The following CCDC171 variants were observed in gnomAD, a reference collection of about 807,000 sequenced individuals.
CCDC171 encodes the protein coiled-coil domain containing 171.
A neutral mutation model predicts 168.2 loss-of-function variants in CCDC171; 177 were observed. That is an observed-to-expected ratio of 1.05 (90% CI 0.93 to 1.19). The LOEUF is 1.19. Ranked by LOEUF, CCDC171 falls within the 50% of genes most tolerant of loss-of-function variation. The pLI, the probability that CCDC171 is intolerant of heterozygous loss-of-function variation, is 0.00. For missense variants in CCDC171, 1,991 were observed against 1,539.0 expected, an observed-to-expected ratio of 1.29 and a Z score of -4.91; for synonymous variants, 687 against 540.8, an observed-to-expected ratio of 1.27 and a Z score of -3.75.
At chr9:15,924,794 CA>C (rs1825716878) in intron 25 of CCDC171, among the ~76,000 whole-genome samples, 1 of 151,484 alleles carries the variant, frequency 6.6e-6, no homozygotes, top group Admixed American at 6.6e-5. Flanking sequence ...GACTATTTTT[CA>C]AAAGTCACCA....
the CCDC171 span, among the ~76,000 whole-genome samples, chr9:16,083,280 C>T: frequency 2.0e-5 from 3 of 152,126 alleles, no homozygotes; most frequent in Admixed American, 2.0e-4. Context: ...GTTATCCCTG[C>T]CTTATAGTTG....
intron 1 of CCDC171, among the ~76,000 whole-genome samples, chr9:16,053,795 C>T (rs1014307): frequency 0.42 from 64,043 of 152,112 alleles, 15,018 homozygotes; most frequent in East Asian, 0.78. Flanking sequence ...ACAGGCTTTG[C>T]AGAGTGATGG....
chr9:15,670,558 G>A (rs1009056425), intron 9 of CCDC171, among the ~76,000 whole-genome samples: 1 of 151,520 alleles, frequency 6.6e-6, no homozygotes, highest in Admixed American at 6.6e-5. Context: ...ATTTTTTTCA[G>A]TTTCTACCTT....
chr9:15,962,359 G>C (rs1830427623), intron 25 of CCDC171, among the ~76,000 whole-genome samples: 1 of 152,084 alleles, frequency 6.6e-6, no homozygotes, highest in African/African-American at 2.4e-5. Flanking sequence ...TTGAATATGA[G>C]AGTATTTCTA....
At chr9:15,699,540 G>A (rs942929937) in intron 11 of CCDC171, among the ~76,000 whole-genome samples, 4 of 152,098 alleles carry the variant, frequency 2.6e-5, no homozygotes, top group African/African-American at 4.8e-5. Flanking sequence ...TGATTGGTGC[G>A]TTTACTATCC....
rs1161286304 is a variant in CCDC171, at chr9:15,602,647, C to CTTTTTTTTTTTTTTTTT, written c.675+8485_675+8501dup. Among the ~76,000 whole-genome samples, 24 of 30,456 alleles carry CTTTTTTTTTTTTTTTTT rather than the reference C, an allele frequency of 7.9e-4. 3 individuals are homozygous for CTTTTTTTTTTTTTTTTT. Among genetic ancestry groups the CTTTTTTTTTTTTTTTTT allele is most frequent in the South Asian group, 1.5e-3 (1 of 680 alleles). 20.0% of individuals were successfully genotyped at this position (30,456 alleles called of 152,430 possible). ...TTTCTCATTTCTTTTTTTTTTTTTT[C>CTTTTTTTTTTTTTTTTT]TTTTTTTTTTTTTTTTTTTTTTTTT... is the stretch of plus-strand genomic sequence containing the variant. On this transcript the variant is annotated intron_variant, in intron 6 of 25. Transcript: ENST00000380701.
intron 7 of CCDC171, among the ~76,000 whole-genome samples, chr9:15,638,163 C>A (rs1000219319): frequency 7.0e-4 from 107 of 152,192 alleles, no homozygotes; most frequent in African/African-American, 2.5e-3. Flanking sequence ...TCTAGATAGT[C>A]TTTATTTTTC....
chr9:16,079,753 C>A, the CCDC171 span, among the ~76,000 whole-genome samples: 1 of 152,164 alleles, frequency 6.6e-6, no homozygotes, highest in Non-Finnish European at 1.5e-5. Context: ...CAACCTGATA[C>A]GCATGGAATC....
intron 6 of CCDC171, among the ~76,000 whole-genome samples, chr9:15,611,050 C>T (rs1163321893): frequency 6.6e-6 from 1 of 152,066 alleles, no homozygotes; most frequent in African/African-American, 2.4e-5. Flanking sequence ...AGCACCATTC[C>T]TCTTGGTACT....
At chr9:15,745,367 C>G (rs573621319) in intron 17 of CCDC171, 148 bp from the exon 18 acceptor site, 2 of 443,690 alleles carry the variant, frequency 4.5e-6, no homozygotes, top group Non-Finnish European at 7.8e-6. Context: ...TCAAGCTAAT[C>G]TAACATTTAA....
chr9:15,704,794 G>A (rs771431611), intron 11 of CCDC171, among the ~76,000 whole-genome samples: 7 of 151,980 alleles, frequency 4.6e-5, no homozygotes, highest in Non-Finnish European at 7.4e-5. Flanking sequence ...GTTATTTACC[G>A]AGAGGATTTA....
intron 18 of CCDC171, among the ~76,000 whole-genome samples, chr9:15,762,082 G>A (rs1367355433): frequency 1.3e-5 from 2 of 150,578 alleles, no homozygotes; most frequent in African/African-American, 2.4e-5. Flanking sequence ...AATAATTTTA[G>A]GAAGCATAGA....
chr9:15,638,176 C>T (rs1007945264), intron 7 of CCDC171, among the ~76,000 whole-genome samples: 4 of 152,040 alleles, frequency 2.6e-5, no homozygotes, highest in African/African-American at 9.7e-5. Flanking sequence ...TATTTTTCTT[C>T]TATTTGTAAG....
intron 10 of CCDC171, among the ~76,000 whole-genome samples, chr9:15,687,974 C>G (rs957047461): frequency 1.3e-5 from 2 of 151,864 alleles, no homozygotes; most frequent in Admixed American, 1.3e-4. Context: ...CAAAAATTAG[C>G]TGGGCAAGGT....
chr9:15,922,352 T>A (rs1243280018), intron 25 of CCDC171: 1 of 182,538 alleles, frequency 5.5e-6, no homozygotes, highest in Non-Finnish European at 1.2e-5. Flanking sequence ...ATGCATTTAC[T>A]AACTTGAACT....
chr9:15,583,986 C>A (rs943821266), intron 4 of CCDC171, among the ~76,000 whole-genome samples: 1 of 152,164 alleles, frequency 6.6e-6, no homozygotes, highest in African/African-American at 2.4e-5. Context: ...TCTGCCTCAG[C>A]CTCCCGAGTG....
At chr9:15,695,140 T>G (rs551279319) in intron 10 of CCDC171, 95 bp from the exon 11 acceptor site, 3 of 753,036 alleles carry the variant, frequency 4.0e-6, no homozygotes, top group Non-Finnish European at 6.9e-6. Flanking sequence ...ATGGAATCAT[T>G]ATCTTGTTTA....
intron 18 of CCDC171, among the ~76,000 whole-genome samples, chr9:15,763,001 C>T (rs1272482523): frequency 6.6e-6 from 1 of 152,232 alleles, no homozygotes; most frequent in Non-Finnish European, 1.5e-5. Context: ...ACCCTCACTT[C>T]AGGCTAGCTG....
At chr9:15,661,077 G>C (rs747252648) in intron 8 of CCDC171, among the ~76,000 whole-genome samples, 1 of 152,088 alleles carries the variant, frequency 6.6e-6, no homozygotes, top group Non-Finnish European at 1.5e-5. Context: ...TCAGGAGATC[G>C]AGACCATCCT....
Sources: gnomAD v4.1 joint callset for allele counts (sites outside exome capture counted in the v4.1 genomes callset) on GRCh38, gnomAD v4.1.1 for gene constraint, MANE v1.5 for transcripts, NCBI Gene and HGNC (gene_info 2026-07-23, HGNC 2026-07-21) for gene names.